NXPH1: variants seen among roughly 807,000 people sequenced by gnomAD.
NXPH1 encodes the protein neurexophilin 1.
NXPH1 carries 5 observed loss-of-function variants against 23.7 expected under a neutral mutation model. The observed-to-expected ratio is 0.21, with a 90% CI of 0.11 to 0.44. The LOEUF (loss-of-function observed/expected upper bound fraction) is 0.44. Ranked by LOEUF, NXPH1 falls within the 20% of genes least tolerant of loss-of-function variation. The pLI is 0.99. For missense variants in NXPH1, 324 were observed against 321.6 expected, an observed-to-expected ratio of 1.01 and a Z score of -0.06; for synonymous variants, 144 against 122.2, an observed-to-expected ratio of 1.18 and a Z score of -1.18.
At chr7:8,667,122 GTTTAA>G (rs760845514) in intron 2 of NXPH1, among the ~76,000 whole-genome samples, 31 of 152,018 alleles carry the variant, frequency 2.0e-4, no homozygotes, top group Non-Finnish European at 3.7e-4. Context: ...TAATGCCACA[GTTTAA>G]TTTTTTAATT....
intron 2 of NXPH1, among the ~76,000 whole-genome samples, chr7:8,491,935 C>T (rs141940453): frequency 1.4e-3 from 212 of 152,132 alleles, no homozygotes; most frequent in African/African-American, 4.6e-3. Context: ...TGAAGCTTTC[C>T]ACAGCCATCT....
At chr7:8,488,235 C>T (rs961072197) in intron 2 of NXPH1, among the ~76,000 whole-genome samples, 2 of 151,758 alleles carry the variant, frequency 1.3e-5, no homozygotes, top group Non-Finnish European at 2.9e-5. Context: ...GGGACACATA[C>T]TATATCTTAC....
intron 2 of NXPH1, among the ~76,000 whole-genome samples, chr7:8,735,921 A>T (rs116914046): frequency 1.3e-5 from 2 of 151,994 alleles, no homozygotes; most frequent in African/African-American, 4.8e-5. Context: ...GTTTATTTGC[A>T]TAGAGTTGTT....
intron 2 of NXPH1, among the ~76,000 whole-genome samples, chr7:8,660,711 T>C (rs1820657222): frequency 6.6e-6 from 1 of 152,178 alleles, no homozygotes; most frequent in Admixed American, 6.6e-5. Flanking sequence ...TTTTAATGTA[T>C]GATTGAAGCA....
At chr7:8,745,719 A>ATTTTTTTTTTTTTTTTTTTTT (rs56019801) in intron 2 of NXPH1, among the ~76,000 whole-genome samples, 1 of 111,846 alleles carries the variant, frequency 8.9e-6, no homozygotes, top group African/African-American at 3.5e-5. Context: ...CGCCCAGCTA[A>ATTTTTTTTTTTTTTTTTTTTT]TTTTTTTTTT....
intron 2 of NXPH1, among the ~76,000 whole-genome samples, chr7:8,653,198 T>C (rs971835859): frequency 6.6e-6 from 1 of 152,218 alleles, no homozygotes; most frequent in African/African-American, 2.4e-5. Context: ...TTTGTATTTA[T>C]TGATTAAGAA....
chr7:8,452,328 G>A (rs147148238), intron 2 of NXPH1, among the ~76,000 whole-genome samples: 1 of 152,172 alleles, frequency 6.6e-6, no homozygotes, highest in Admixed American at 6.5e-5. Context: ...CTTTAAATAT[G>A]TTACCACCAC....
intron 2 of NXPH1, among the ~76,000 whole-genome samples, chr7:8,487,616 T>G (rs1305450012): frequency 6.6e-6 from 1 of 152,176 alleles, no homozygotes; most frequent in Non-Finnish European, 1.5e-5. Flanking sequence ...TATGCATTGG[T>G]ACTGTATCTC....
At chr7:8,446,405 A>T (rs1584159621) in intron 2 of NXPH1, among the ~76,000 whole-genome samples, 1 of 152,244 alleles carries the variant, frequency 6.6e-6, no homozygotes, top group East Asian at 1.9e-4. Flanking sequence ...TTTATGGGTC[A>T]CAAAGAAGTC....
chr7:8,442,148 A>T lies in NXPH1; in HGVS notation c.54+6381A>T, dbSNP rs1471039743. Among the ~76,000 whole-genome samples the T allele has an allele frequency of 6.6e-6, 1 of 152,134 alleles. No individual in the cohort carries two copies. Among genetic ancestry groups the T allele is most frequent in the Non-Finnish European group, 1.5e-5 (1 of 68,022 alleles). On this transcript the variant is annotated intron_variant, in intron 2 of 2. Transcript: ENST00000405863. The surrounding 1 kb of genome is among the most constrained non-coding windows in gnomAD (Gnocchi z 4.6). The stretch of plus-strand genomic sequence containing the variant: ...AAAGCTTTCCTAGCTCCTTCTTCCT[A>T]TAAATTAATGAGGGTATTTTACTCG...
At chr7:8,645,989 C>G (rs1293435007) in intron 2 of NXPH1, among the ~76,000 whole-genome samples, 1 of 151,882 alleles carries the variant, frequency 6.6e-6, no homozygotes, top group Non-Finnish European at 1.5e-5. Flanking sequence ...TTCCTTTGTA[C>G]ACGTTTTAGT....
chr7:8,485,280 G>A (rs1221125380), intron 2 of NXPH1, among the ~76,000 whole-genome samples: 3 of 152,082 alleles, frequency 2.0e-5, no homozygotes, highest in African/African-American at 7.2e-5. Flanking sequence ...TTCACCTTCT[G>A]CCATGATTGT....
chr7:8,735,428 C>G (rs936185592), intron 2 of NXPH1, among the ~76,000 whole-genome samples: 1 of 152,142 alleles, frequency 6.6e-6, no homozygotes, highest in Non-Finnish European at 1.5e-5. Flanking sequence ...TGTTTATGTA[C>G]TGTATTATGT....
intron 2 of NXPH1, among the ~76,000 whole-genome samples, chr7:8,564,234 T>C (rs911714429): frequency 2.0e-5 from 3 of 151,802 alleles, no homozygotes; most frequent in African/African-American, 7.2e-5. Flanking sequence ...TAGCCTCCTA[T>C]AGCAAAACAG....
intron 2 of NXPH1, among the ~76,000 whole-genome samples, chr7:8,631,500 G>A (rs1422913382): frequency 6.6e-6 from 1 of 152,102 alleles, no homozygotes; most frequent in Non-Finnish European, 1.5e-5. Context: ...TTCAGAATGG[G>A]GGAAATTTTT....
chr7:8,742,614 T>G (rs1022936161), intron 2 of NXPH1, among the ~76,000 whole-genome samples: 2 of 152,040 alleles, frequency 1.3e-5, no homozygotes, highest in Non-Finnish European at 2.9e-5. Context: ...ACACCATGTA[T>G]GTAAGATATT....
chr7:8,478,749 A>C (rs1817022601), intron 2 of NXPH1, among the ~76,000 whole-genome samples: 1 of 152,162 alleles, frequency 6.6e-6, no homozygotes, highest in Non-Finnish European at 1.5e-5. Flanking sequence ...CATATTGATC[A>C]AACCAAAAGT....
At chr7:8,630,159 C>G (rs1820096836) in intron 2 of NXPH1, among the ~76,000 whole-genome samples, 1 of 151,996 alleles carries the variant, frequency 6.6e-6, no homozygotes, top group Admixed American at 6.6e-5. Flanking sequence ...ATAATAGATG[C>G]CATCAGAGGG....
At position 8,434,004 on chromosome 7, in the gene NXPH1, G is replaced by A. The variant is rs982532296; in HGVS notation, c.-862G>A. On this transcript the variant is annotated 5_prime_UTR_variant, in exon 1 of 3. Transcript: ENST00000405863. This position sits in a 1 kb window ranked among gnomAD's most constrained non-coding sequence, Gnocchi z 7.6. ...TAGGCGTGCCAAGCCGCGGCTCTGC[G>A]GAGAAACCACGACCACCGCGGCCGC... The A allele has an allele frequency of 9.9e-5, 15 of 152,152 alleles. No homozygotes were observed. Among genetic ancestry groups the A allele is most frequent in the African/African-American group, 3.6e-4 (15 of 41,392 alleles). The allele number at this position is 152,152 out of a possible 1,614,324, so 9.4% of individuals were successfully genotyped here.
Sources: gnomAD v4.1 joint callset for allele counts (sites outside exome capture counted in the v4.1 genomes callset) on GRCh38, gnomAD v4.1.1 for gene constraint, Gnocchi (gnomAD v3.1) non-coding constraint, MANE v1.5 for transcripts, NCBI Gene and HGNC (gene_info 2026-07-23, HGNC 2026-07-21) for gene names.